The following CFAP77 variants were observed in gnomAD, a reference collection of about 807,000 sequenced individuals.
CFAP77 encodes cilia- and flagella-associated protein 77.
In CFAP77, 25 loss-of-function variants were observed where a neutral mutation model predicts 31.1. That is an observed-to-expected ratio of 0.80 (90% CI 0.59 to 1.12). CFAP77 has a LOEUF of 1.12. CFAP77 is among the 50% of genes most tolerant of loss of function. The pLI is 0.00. For synonymous variants in CFAP77, 151 were observed against 159.9 expected (o/e 0.94, Z 0.42); for missense variants, 377 against 397.3 (o/e 0.95, Z 0.44).
In CFAP77 at chr9:132,572,700, C is replaced by T; in HGVS notation, c.*190C>T. ...CTTTTAGGTTAGCCAACATTAGTCT[C>T]CACTTAGCCCCAGTGACCCTCTACC... is the stretch of plus-strand genomic sequence containing the variant. On this transcript the variant is annotated 3_prime_UTR_variant, in exon 6 of 6. Coordinates refer to ENST00000393216, the MANE Select transcript of CFAP77 (RefSeq NM_001282957.2). The T allele has an allele frequency of 5.0e-6, 3 of 596,768 alleles. No individual in the cohort carries two copies. In the South Asian group the frequency reaches 6.5e-5, roughly 13 times the overall value. The allele number at this position is 596,768 out of a possible 1,614,324, so 37.0% of individuals were successfully genotyped here. A position where few individuals can be genotyped will look rare whatever the true frequency, so the allele number is the denominator to read the frequency against.
At chr9:132,518,565 G>A (rs1482486876) in intron 3 of CFAP77, among the ~76,000 whole-genome samples, 1 of 152,064 alleles carries the variant, frequency 6.6e-6, no homozygotes, top group Non-Finnish European at 1.5e-5. Context: ...GTGAGGACTC[G>A]GTGAGCTTTG....
chr9:132,509,754 G>A (rs1302498202), intron 3 of CFAP77, among the ~76,000 whole-genome samples: 1 of 152,134 alleles, frequency 6.6e-6, no homozygotes, highest in African/African-American at 2.4e-5. Flanking sequence ...GGGCGACAGA[G>A]CAAAACTTTG....
At chr9:132,544,488 CTAT>C (rs756935306) in intron 5 of CFAP77, among the ~76,000 whole-genome samples, 42 of 135,638 alleles carry the variant, frequency 3.1e-4, no homozygotes, top group Non-Finnish European at 2.4e-4. Flanking sequence ...TCCTCACTGC[CTAT>C]TTTTTTTTTT....
chr9:132,515,431 T>TA (rs34387596), intron 3 of CFAP77, among the ~76,000 whole-genome samples: 3 of 152,168 alleles, frequency 2.0e-5, no homozygotes, highest in South Asian at 4.1e-4. Flanking sequence ...TTCCTCTGTT[T>TA]AAAAAAATCT....
intron 3 of CFAP77, among the ~76,000 whole-genome samples, chr9:132,516,435 G>A (rs1852148785): frequency 1.3e-5 from 2 of 152,142 alleles, no homozygotes; most frequent in African/African-American, 2.4e-5. Flanking sequence ...TTGTCGGGAT[G>A]AAATGATGCG....
At chr9:132,432,101 C>T (rs1284505982) in intron 1 of CFAP77, among the ~76,000 whole-genome samples, 3 of 152,138 alleles carry the variant, frequency 2.0e-5, no homozygotes, top group Non-Finnish European at 4.4e-5. Flanking sequence ...CAGGGAACAA[C>T]AATTCAAATA....
chr9:132,447,369 A>G (rs1206696470), intron 1 of CFAP77, among the ~76,000 whole-genome samples: 1 of 152,202 alleles, frequency 6.6e-6, no homozygotes, highest in Non-Finnish European at 1.5e-5. Flanking sequence ...GACCTCTTCC[A>G]AGAAAGGAGA....
intron 1 of CFAP77, among the ~76,000 whole-genome samples, chr9:132,483,973 G>A (rs560600761): frequency 7.2e-6 from 1 of 138,978 alleles, no homozygotes; most frequent in Non-Finnish European, 1.5e-5. Flanking sequence ...TTCTCACTCT[G>A]TTGCTCAGGC....
Position 132,517,174 on chromosome 9 carries a change from T to C in CFAP77, c.524+17574T>C, listed in dbSNP as rs916604007. ...AAGCCCAGCCCTCCAGCCTTCTCCC[T>C]CCTCCCAAACCAGCCATCTACGGTC... On this transcript the variant is annotated intron_variant, in intron 3 of 5. Coordinates refer to ENST00000393216, the MANE Select transcript of CFAP77 (RefSeq NM_001282957.2). The surrounding 1 kb of genome is among the most constrained non-coding windows in gnomAD (Gnocchi z 4.7). Among the ~76,000 whole-genome samples, 1 of 152,062 alleles carries C rather than the reference T, an allele frequency of 6.6e-6. No individual in the cohort carries two copies. Among genetic ancestry groups the C allele is most frequent in the Non-Finnish European group, 1.5e-5 (1 of 68,012 alleles).
intron 5 of CFAP77, among the ~76,000 whole-genome samples, chr9:132,546,864 A>G (rs899914616): frequency 2.7e-4 from 41 of 152,140 alleles, no homozygotes; most frequent in African/African-American, 9.9e-4. Context: ...TCAGCTGACA[A>G]TGAGTGGGTG....
chr9:132,510,773 C>T (rs1165228370), intron 3 of CFAP77, among the ~76,000 whole-genome samples: 12 of 152,168 alleles, frequency 7.9e-5, no homozygotes, highest in Admixed American at 7.9e-4. Context: ...AGTGGCTGTT[C>T]AAGCTAGAAA....
At chr9:132,427,695 G>A (rs78370796) in intron 1 of CFAP77, among the ~76,000 whole-genome samples, 3,498 of 152,238 alleles carry the variant, frequency 0.023, 132 homozygotes, top group African/African-American at 0.08. Flanking sequence ...CCTGAGAGCC[G>A]TGAGGGAAGG....
rs139158584 is a variant in CFAP77, at chr9:132,477,599, G to A, written c.196-21096G>A. Among the ~76,000 whole-genome samples, 517 of 152,328 alleles carry A rather than the reference G, an allele frequency of 3.4e-3. 3 individuals are homozygous for A. The highest frequency in any genetic ancestry group is 0.011 in the African/African-American group (478 of 41,570). ...GCAAGGCATTGGGCACATAGTAATTGCTCAGCACACATGAGCTGTCTGCAC... is the reference window on the plus strand; with the variant it reads ...GCAAGGCATTGGGCACATAGTAATTACTCAGCACACATGAGCTGTCTGCAC... On this transcript the variant is annotated intron_variant, in intron 1 of 5. Transcript: ENST00000393216.
chr9:132,491,084 C>G (rs1272223140), intron 1 of CFAP77, among the ~76,000 whole-genome samples: 1 of 152,048 alleles, frequency 6.6e-6, no homozygotes, highest in Non-Finnish European at 1.5e-5. Context: ...GTGCCCTGAG[C>G]TGCTGGGACA....
At chr9:132,513,207 C>A in intron 3 of CFAP77, 2 of 1,499,876 alleles carry the variant, frequency 1.3e-6, no homozygotes, top group Non-Finnish European at 9.0e-7. Flanking sequence ...ATTATTGACT[C>A]TAGTCAAGGG....
In CFAP77 at chr9:132,497,966, C is replaced by T. The variant is rs533902778; in HGVS notation, c.196-729C>T. 1.8e-4 allele frequency among the ~76,000 whole-genome samples: 28 copies of T among 152,284 alleles called. No homozygotes were observed. The highest frequency in any genetic ancestry group is 7.2e-4 in the Admixed American group (11 of 15,306). The stretch of plus-strand genomic sequence containing the variant: ...CGCCTCCATGCGATGCCCTGCCCAG[C>T]GCTTGGGGGCCGGGGATATCGACCC... On this transcript the variant is annotated intron_variant, in intron 1 of 5. Transcript: ENST00000393216. This position sits in a 1 kb window ranked among gnomAD's most constrained non-coding sequence, Gnocchi z 4.9.
intron 1 of CFAP77, among the ~76,000 whole-genome samples, chr9:132,473,920 T>C (rs893959371): frequency 6.6e-6 from 1 of 152,164 alleles, no homozygotes; most frequent in Non-Finnish European, 1.5e-5. Context: ...TGACTTCAGG[T>C]GATCCACCTG....
rs1269009765 is a variant in CFAP77, at chr9:132,480,026, G to A, written c.196-18669G>A. On this transcript the variant is annotated intron_variant, in intron 1 of 5. Coordinates refer to ENST00000393216, the MANE Select transcript of CFAP77 (RefSeq NM_001282957.2). This position sits in a 1 kb window ranked among gnomAD's most constrained non-coding sequence, Gnocchi z 5.8. ...GATGCGGCTCTGGATGACACGGATG[G>A]AGACGCGCTCCAGATAGGAAATGGC... is the stretch of plus-strand genomic sequence containing the variant. 6.6e-6 allele frequency among the ~76,000 whole-genome samples: 1 copy of A among 152,196 alleles called. No homozygotes were observed. The highest frequency in any genetic ancestry group is 1.5e-5 in the Non-Finnish European group (1 of 68,030).
chr9:132,469,720 C>A (rs999781104), intron 1 of CFAP77, among the ~76,000 whole-genome samples: 1 of 152,120 alleles, frequency 6.6e-6, no homozygotes, highest in Admixed American at 6.5e-5. Context: ...TCTCACTTAC[C>A]CTGACCCCAG....
Sources: allele counts gnomAD v4.1 joint callset (sites outside exome capture counted in the v4.1 genomes callset), GRCh38; gene constraint gnomAD v4.1.1; non-coding constraint Gnocchi (gnomAD v3.1); transcripts MANE v1.5; gene names NCBI Gene and HGNC (gene_info 2026-07-23, HGNC 2026-07-21).